IGSF9B: variants seen among roughly 807,000 people sequenced by gnomAD.
The protein encoded by IGSF9B is protein turtle homolog B.
IGSF9B carries 48 observed loss-of-function variants against 143.7 expected under a neutral mutation model. That is an observed-to-expected ratio of 0.33 (90% CI 0.26 to 0.42). The LOEUF (loss-of-function observed/expected upper bound fraction) is 0.42, where lower values mean the gene tolerates loss of function less well. Ranked by LOEUF, IGSF9B falls within the 20% of genes least tolerant of loss-of-function variation. The pLI, the probability that IGSF9B is intolerant of heterozygous loss-of-function variation, is 1.00. For missense variants in IGSF9B, 1,706 were observed against 1,980.0 expected (o/e 0.86, Z 2.63); for synonymous variants, 903 against 833.1 (o/e 1.08, Z -1.44).
At chr11:133,940,153 A>C (rs1408777395) in intron 3 of IGSF9B, among the ~76,000 whole-genome samples, 119 of 77,758 alleles carry the variant, frequency 1.5e-3, no homozygotes, top group African/African-American at 1.7e-3. Flanking sequence ...CGCACGCAAA[A>C]ACACACCTCG....
At chr11:133,915,980 G>C (rs753798064) in intron 18 of IGSF9B, among the ~76,000 whole-genome samples, 1 of 152,198 alleles carries the variant, frequency 6.6e-6, no homozygotes, top group Non-Finnish European at 1.5e-5. Context: ...CTGTGGGGCC[G>C]GACTCAGACC....
intron 4 of IGSF9B, 78 bp from the exon 5 acceptor site, chr11:133,937,571 C>T (rs996059263): frequency 8.2e-6 from 10 of 1,213,582 alleles, no homozygotes; most frequent in Non-Finnish European, 1.1e-5. Context: ...GAGATGCAGT[C>T]GGAGACACTA....
At position 133,909,298 on chromosome 11, in the gene IGSF9B, A is replaced by G. The variant is rs969288033; in HGVS notation, c.4106-21T>C. 1.5e-5 allele frequency: 23 copies of G among 1,523,580 alleles called. No homozygotes were observed. In the Admixed American group the frequency reaches 4.5e-4, roughly 30 times the overall value. The allele number at this position is 1,523,580 out of a possible 1,614,324, so 94.4% of individuals were successfully genotyped here. Reference sequence around the variant, plus strand: ...ATCGTCTAGGAAGAAAGGAAGAGGGACGCAAAAGAGAAGCAAGCGGATGAA... The same window carrying G: ...ATCGTCTAGGAAGAAAGGAAGAGGGGCGCAAAAGAGAAGCAAGCGGATGAA... On this transcript the variant is annotated intron_variant, in intron 19 of 19. Coordinates refer to ENST00000533871, the MANE Select transcript of IGSF9B (RefSeq NM_001277285.4). This position sits in a 1 kb window ranked among gnomAD's most constrained non-coding sequence, Gnocchi z 4.2.
intron 11 of IGSF9B, among the ~76,000 whole-genome samples, chr11:133,930,477 G>C (rs1939702259): frequency 6.6e-6 from 1 of 152,190 alleles, no homozygotes; most frequent in Admixed American, 6.5e-5. Flanking sequence ...GACAGGCTGA[G>C]AGGGCCCAGG....
chr11:133,949,976 A>T (rs1940129179), intron 1 of IGSF9B, among the ~76,000 whole-genome samples: 1 of 152,246 alleles, frequency 6.6e-6, no homozygotes, highest in Admixed American at 6.5e-5. Flanking sequence ...CCTTTGGAGC[A>T]GTTATGGCGG....
rs1939078655 is a variant in IGSF9B, at chr11:133,899,362, T to C, written c.*9707A>G. Reference sequence around the variant, plus strand: ...TGCTCCAAGTGCCTTAAGGGCTGGCTCTTCAGAGAAGCTGGAGGTCCCCTC... The same window carrying C: ...TGCTCCAAGTGCCTTAAGGGCTGGCCCTTCAGAGAAGCTGGAGGTCCCCTC... On this transcript the variant is annotated 3_prime_UTR_variant, in exon 20 of 20. Transcript: ENST00000533871. 1 of 152,394 alleles carries C rather than the reference T, an allele frequency of 6.6e-6. No homozygotes were observed. Among genetic ancestry groups the C allele is most frequent in the Admixed American group, 6.5e-5 (1 of 15,292 alleles). 9.4% of individuals were successfully genotyped at this position (152,394 alleles called of 1,614,324 possible). A position where few individuals can be genotyped will look rare whatever the true frequency, so the allele number is the denominator to read the frequency against.
rs1293092821 is a variant in IGSF9B, at chr11:133,899,007, G to C, written c.*10062C>G. The C allele has an allele frequency of 6.6e-6, 1 of 152,276 alleles. No homozygotes were observed. Among genetic ancestry groups the C allele is most frequent in the Non-Finnish European group, 1.5e-5 (1 of 68,106 alleles). The allele number at this position is 152,276 out of a possible 1,614,324, so 9.4% of individuals were successfully genotyped here. On this transcript the variant is annotated 3_prime_UTR_variant, in exon 20 of 20. Transcript: ENST00000533871. ...GGTGACAGTGGGGAAGAGGGACAGGGCCCACACTGATCCATGGGAGAGTGA... is the reference window on the plus strand; with the variant it reads ...GGTGACAGTGGGGAAGAGGGACAGGCCCCACACTGATCCATGGGAGAGTGA...
In IGSF9B at chr11:133,920,288, A is replaced by G; in HGVS notation, c.3437T>C (p.Val1146Ala). ...CTCAGCCGGCTCGGGGTAAGGCAGC[A>G]CAGGTATGCCCATGCCTTGGCTTGT... ...RHTSQGMGIPVLPYPEPAEPG... is the reference protein window; with the variant it reads ...RHTSQGMGIPALPYPEPAEPG... Residue 1146 changes from valine (V) to alanine (A), a missense_variant, in exon 18 of 20, where the codon GTG becomes GCG. By Grantham distance (64) the Val-to-Ala change is moderately conservative (BLOSUM62 0). Coordinates refer to ENST00000533871, the MANE Select transcript of IGSF9B (RefSeq NM_001277285.4). The G allele has an allele frequency of 6.5e-7, 1 of 1,538,616 alleles. No individual in the cohort carries two copies.
In IGSF9B at chr11:133,898,480, TC is replaced by T. The variant is rs779472362; in HGVS notation, c.*10588del. On this transcript the variant is annotated 3_prime_UTR_variant, in exon 20 of 20. Transcript: ENST00000533871. Reference sequence around the variant, plus strand: ...TTCTATCCTGCATGATCAAAGTCCCTCCTGGGGAAGAGAAAAACACTGAAGA... The same window carrying T: ...TTCTATCCTGCATGATCAAAGTCCCTCTGGGGAAGAGAAAAACACTGAAGA... 2 of 154,296 alleles carry T rather than the reference TC, an allele frequency of 1.3e-5. No individual in the cohort carries two copies. The highest frequency in any genetic ancestry group is 2.9e-5 in the Non-Finnish European group (2 of 68,220). The allele number at this position is 154,296 out of a possible 1,614,324, so 9.6% of individuals were successfully genotyped here.
At chr11:133,947,909 C>G (rs1940085511) in intron 1 of IGSF9B, among the ~76,000 whole-genome samples, 1 of 152,030 alleles carries the variant, frequency 6.6e-6, no homozygotes, top group Admixed American at 6.6e-5. Context: ...CTGCATGTGT[C>G]TGTCCGTCCA....
At position 133,936,044 on chromosome 11, in the gene IGSF9B, G is replaced by C; in HGVS notation, c.821+9C>G. On this transcript the variant is annotated intron_variant, in intron 6 of 19. Coordinates refer to ENST00000533871, the MANE Select transcript of IGSF9B (RefSeq NM_001277285.4). ...CAACCTCATTGAAAAGTCAGAGCAG[G>C]GTGCTCACTTCTGAAAGTAGACGTT... 1 of 1,613,030 alleles carries C rather than the reference G, an allele frequency of 6.2e-7. No individual in the cohort carries two copies. Among genetic ancestry groups the C allele is most frequent in the Non-Finnish European group, 8.5e-7 (1 of 1,179,542 alleles).
Position 133,952,557 on chromosome 11 carries a change from T to C in IGSF9B, c.64+4134A>G, listed in dbSNP as rs568982571. Among the ~76,000 whole-genome samples, 313 of 152,208 alleles carry C rather than the reference T, an allele frequency of 2.1e-3. 2 individuals are homozygous for C. Among genetic ancestry groups the C allele is most frequent in the African/African-American group, 7.0e-3 (292 of 41,528 alleles). ...CACGTGCACACAAACACACAGGCAC[T>C]CAAGCACTTGTGGGCAGGCACACAT... On this transcript the variant is annotated intron_variant, in intron 1 of 19. Coordinates refer to ENST00000533871, the MANE Select transcript of IGSF9B (RefSeq NM_001277285.4).
At position 133,956,591 on chromosome 11, in the gene IGSF9B, G is replaced by A. The variant is rs941679412; in HGVS notation, c.64+100C>T. Reference sequence around the variant, plus strand: ...CCGCGGGAAGGCGCGCCGGGGAGCTGGGGAACCGGGGGGCCAAGGAGCCGG... The same window carrying A: ...CCGCGGGAAGGCGCGCCGGGGAGCTAGGGAACCGGGGGGCCAAGGAGCCGG... On this transcript the variant is annotated intron_variant, in intron 1 of 19. Coordinates refer to ENST00000533871, the MANE Select transcript of IGSF9B (RefSeq NM_001277285.4). 1.5e-5 allele frequency: 12 copies of A among 785,738 alleles called. 1 individual carries two copies. Among genetic ancestry groups the A allele is most frequent in the Non-Finnish European group, 2.2e-5 (11 of 492,170 alleles). 48.7% of individuals were successfully genotyped at this position (785,738 alleles called of 1,614,324 possible).
At position 133,948,095 on chromosome 11, in the gene IGSF9B, G is replaced by C. The variant is rs1013439217; in HGVS notation, c.65-1837C>G. Among the ~76,000 whole-genome samples, 1 of 150,346 alleles carries C rather than the reference G, an allele frequency of 6.7e-6. No homozygotes were observed. Among genetic ancestry groups the C allele is most frequent in the Middle Eastern group, 3.2e-3 (1 of 312 alleles). Reference sequence around the variant, plus strand: ...TGTGTGTGTGTGTGTGTGTGTCTGTGTGTGTTTCGGTTGGCTCATGCAAGG... The same window carrying C: ...TGTGTGTGTGTGTGTGTGTGTCTGTCTGTGTTTCGGTTGGCTCATGCAAGG... On this transcript the variant is annotated intron_variant, in intron 1 of 19. Transcript: ENST00000533871. This position sits in a 1 kb window ranked among gnomAD's most constrained non-coding sequence, Gnocchi z 4.7.
Position 133,929,012 on chromosome 11 carries a change from G to A in IGSF9B, c.1631+659C>T, listed in dbSNP as rs542938561. Among the ~76,000 whole-genome samples the A allele has an allele frequency of 5.2e-4, 79 of 152,250 alleles. 1 individual carries two copies. Among genetic ancestry groups the A allele is most frequent in the Middle Eastern group, 3.4e-3 (1 of 294 alleles). ...TACAGGAGGTGGGGAGGGTGAACACGTACAAATCATAGTGAGAAAGAACCA... is the reference window on the plus strand; with the variant it reads ...TACAGGAGGTGGGGAGGGTGAACACATACAAATCATAGTGAGAAAGAACCA... On this transcript the variant is annotated intron_variant, in intron 12 of 19. Coordinates refer to ENST00000533871, the MANE Select transcript of IGSF9B (RefSeq NM_001277285.4).
intron 1 of IGSF9B, among the ~76,000 whole-genome samples, chr11:133,949,906 G>A (rs1940127962): frequency 6.6e-6 from 1 of 152,220 alleles, no homozygotes; most frequent in Admixed American, 6.5e-5. Flanking sequence ...CTTTAGAGAA[G>A]GCCAGAAATA....
Position 133,953,727 on chromosome 11 carries a change from A to G in IGSF9B, c.64+2964T>C, listed in dbSNP as rs145698665. Among the ~76,000 whole-genome samples the G allele has an allele frequency of 2.6e-3, 400 of 152,240 alleles. 1 individual carries two copies. The highest frequency in any genetic ancestry group is 6.0e-3 in the Admixed American group (92 of 15,298). On this transcript the variant is annotated intron_variant, in intron 1 of 19. Coordinates refer to ENST00000533871, the MANE Select transcript of IGSF9B (RefSeq NM_001277285.4). The surrounding 1 kb of genome is among the most constrained non-coding windows in gnomAD (Gnocchi z 4.2). ...GTAAAGTCTGGGACTTTCCTCCCCTATCCAAGGTCCACAATCAGCTAAGCA... is the reference window on the plus strand; with the variant it reads ...GTAAAGTCTGGGACTTTCCTCCCCTGTCCAAGGTCCACAATCAGCTAAGCA...
chr11:133,956,147 G>A lies in IGSF9B; in HGVS notation c.64+544C>T, dbSNP rs542503176. On this transcript the variant is annotated intron_variant, in intron 1 of 19. Transcript: ENST00000533871. ...GACCTCCAGCTGCCAAGATGTGTGG[G>A]CAGGAGGGGCGCGAGCGGAGCGATG... 2.6e-5 allele frequency among the ~76,000 whole-genome samples: 4 copies of A among 152,262 alleles called. No homozygotes were observed. The South Asian group carries it at 8.3e-4, about 32-fold the overall frequency.
In IGSF9B at chr11:133,927,100, AAGAG is replaced by A. The variant is rs1373624711; in HGVS notation, c.1632-13_1632-10del. 6.5e-7 allele frequency: 1 copy of A among 1,545,770 alleles called. No homozygotes were observed. The highest frequency in any genetic ancestry group is 1.4e-5 in the African/African-American group (1 of 73,198). On this transcript the variant is annotated splice_polypyrimidine_tract_variant and intron_variant, in intron 12 of 19. Transcript: ENST00000533871. The stretch of plus-strand genomic sequence containing the variant: ...ACTGTGCCCGCTTCATCCTGGCCAA[AAGAG>A]AGAGACAGGATAGGGGACGAGGGGC...
Sources: allele counts gnomAD v4.1 joint callset (sites outside exome capture counted in the v4.1 genomes callset), GRCh38; gene constraint gnomAD v4.1.1; non-coding constraint Gnocchi (gnomAD v3.1); transcripts MANE v1.5; gene names NCBI Gene and HGNC (gene_info 2026-07-23, HGNC 2026-07-21).